PIP5K1B: variants seen among roughly 807,000 people sequenced by gnomAD.
The protein encoded by PIP5K1B is phosphatidylinositol-4-phosphate 5-kinase type 1 beta, also known as phosphatidylinositol 4-phosphate 5-kinase type-1 beta.
A neutral mutation model predicts 67.0 loss-of-function variants in PIP5K1B; 42 were observed. The ratio of observed to expected loss-of-function variants is 0.63; its 90% CI spans 0.49 to 0.81. The LOEUF is 0.81. PIP5K1B is among the 30% of genes least tolerant of loss of function. PIP5K1B has a pLI of 0.00. For missense variants in PIP5K1B, 459 were observed against 646.3 expected (o/e 0.71, Z 3.14); for synonymous variants, 214 against 231.4 (o/e 0.92, Z 0.68).
intron 1 of PIP5K1B, among the ~76,000 whole-genome samples, chr9:68,728,288 G>T (rs1374159503): frequency 1.3e-5 from 2 of 152,152 alleles, no homozygotes; most frequent in African/African-American, 4.8e-5. Flanking sequence ...AGTGTCTGGT[G>T]AGGGCTCACT....
chr9:68,939,658 C>G (rs1202532034), intron 13 of PIP5K1B, among the ~76,000 whole-genome samples: 1 of 152,228 alleles, frequency 6.6e-6, no homozygotes, highest in Non-Finnish European at 1.5e-5. Context: ...AGTGTGTCGT[C>G]TGATTTCCCA....
intron 1 of PIP5K1B, among the ~76,000 whole-genome samples, chr9:68,731,867 T>G (rs1160721530): frequency 1.3e-5 from 2 of 152,342 alleles, no homozygotes; most frequent in Non-Finnish European, 2.9e-5. Context: ...AATTATACTG[T>G]TTACTTTTGA....
intron 8 of PIP5K1B, among the ~76,000 whole-genome samples, chr9:68,908,258 A>G (rs562783873): frequency 3.3e-5 from 5 of 152,318 alleles, no homozygotes; most frequent in African/African-American, 1.2e-4. Context: ...AAAATAATTT[A>G]TGAAGACATC....
chr9:68,818,155 C>T (rs1462056229), intron 2 of PIP5K1B, among the ~76,000 whole-genome samples: 1 of 152,180 alleles, frequency 6.6e-6, no homozygotes, highest in African/African-American at 2.4e-5. Flanking sequence ...TTATCTTTTG[C>T]GCATTGTGCA....
Position 69,001,046 on chromosome 9 carries a change from A to G in PIP5K1B, c.1621-7401A>G, listed in dbSNP as rs140320672. ...CTGAGTAGCTGGGAATTATAGGCGC[A>G]CGCCACCACACCCGGCTAATTTTTA... is the stretch of plus-strand genomic sequence containing the variant. On this transcript the variant is annotated intron_variant, in intron 15 of 15. Coordinates refer to ENST00000265382, the MANE Select transcript of PIP5K1B (RefSeq NM_003558.4). Among the ~76,000 whole-genome samples, 976 of 151,912 alleles carry G rather than the reference A, an allele frequency of 6.4e-3. 12 individuals are homozygous for G. Among genetic ancestry groups the G allele is most frequent in the African/African-American group, 0.022 (932 of 41,440 alleles).
At chr9:68,919,236 C>T (rs1469075241) in intron 9 of PIP5K1B, among the ~76,000 whole-genome samples, 1 of 151,974 alleles carries the variant, frequency 6.6e-6, no homozygotes, top group African/African-American at 2.4e-5. Context: ...TTAGCAGCTA[C>T]GATATTATTC....
intron 12 of PIP5K1B, among the ~76,000 whole-genome samples, chr9:68,928,616 TA>T (rs1259414749): frequency 6.6e-6 from 1 of 152,258 alleles, no homozygotes; most frequent in African/African-American, 2.4e-5. Context: ...ACTATTGTCC[TA>T]ATACCACTTA....
chr9:68,880,547 T>G lies in PIP5K1B; in HGVS notation c.318+3753T>G, dbSNP rs539268227. Among the ~76,000 whole-genome samples the G allele has an allele frequency of 1.0e-4, 15 of 147,322 alleles. No individual in the cohort carries two copies. The East Asian group carries it at 2.7e-3, about 26-fold the overall frequency. On this transcript the variant is annotated intron_variant, in intron 6 of 15. Coordinates refer to ENST00000265382, the MANE Select transcript of PIP5K1B (RefSeq NM_003558.4). Reference sequence around the variant, plus strand: ...TCCAGCCTGGGCGGCAGAGCAAGACTGCATCTGAAACACACACACACACAC... The same window carrying G: ...TCCAGCCTGGGCGGCAGAGCAAGACGGCATCTGAAACACACACACACACAC...
At chr9:68,920,765 G>T (rs879694891) in intron 11 of PIP5K1B, among the ~76,000 whole-genome samples, 1 of 145,370 alleles carries the variant, frequency 6.9e-6, no homozygotes, top group South Asian at 2.1e-4. Context: ...TTCCGTCTCT[G>T]TCTCTCTGTC....
chr9:68,995,454 A>G (rs888196979), intron 15 of PIP5K1B, among the ~76,000 whole-genome samples: 5 of 152,188 alleles, frequency 3.3e-5, no homozygotes, highest in Non-Finnish European at 5.9e-5. Context: ...CTTCTAGATC[A>G]GAAAGGGTAC....
At chr9:69,006,282 C>A (rs574588636) in intron 15 of PIP5K1B, among the ~76,000 whole-genome samples, 1 of 152,142 alleles carries the variant, frequency 6.6e-6, no homozygotes. Flanking sequence ...ACCACTGAGT[C>A]TCAGCAGATG....
At chr9:68,963,173 T>A (rs1828836453) in intron 14 of PIP5K1B, 1 of 456,228 alleles carries the variant, frequency 2.2e-6, no homozygotes, top group South Asian at 1.5e-5. Flanking sequence ...TGTGCAAAAA[T>A]TATTAACAGG....
Position 68,788,473 on chromosome 9 carries a change from G to GTTTTTGTTGTTT in PIP5K1B, c.-85-29980_-85-29979insGTTTTTTTTGTT, listed in dbSNP as rs912015647. On this transcript the variant is annotated intron_variant, in intron 2 of 15. Transcript: ENST00000265382. The stretch of plus-strand genomic sequence containing the variant: ...CATATTAGAGGAAGATATCAGGAAG[G>GTTTTTGTTGTTT]TTTTTGTTTTGTTTTGTTTTGTTTT... The GTTTTTGTTGTTT allele has an allele frequency of 5.4e-5, 5 of 93,118 alleles. No homozygotes were observed. The South Asian group carries it at 5.8e-4, about 11-fold the overall frequency. The allele number at this position is 93,118 out of a possible 1,614,324, so 5.8% of individuals were successfully genotyped here.
chr9:68,754,171 A>ATTTTTTTTTTTTTTTTT (rs750644171), intron 2 of PIP5K1B, among the ~76,000 whole-genome samples: 14 of 55,586 alleles, frequency 2.5e-4, no homozygotes, highest in East Asian at 7.4e-4. Flanking sequence ...ATGTTCCATG[A>ATTTTTTTTTTTTTTTTT]TTTCTTTTTT....
chr9:68,735,600 A>G (rs1587362382), intron 1 of PIP5K1B, among the ~76,000 whole-genome samples: 1 of 152,056 alleles, frequency 6.6e-6, no homozygotes, highest in Non-Finnish European at 1.5e-5. Context: ...ATGTTGGCCG[A>G]GCTGGTCTCG....
intron 14 of PIP5K1B, chr9:68,965,733 A>G (rs1457691686): frequency 6.6e-6 from 1 of 152,184 alleles, no homozygotes; most frequent in Non-Finnish European, 1.5e-5. Context: ...TGGGAGGCCA[A>G]GGCAGGTGGA....
intron 1 of PIP5K1B, among the ~76,000 whole-genome samples, chr9:68,721,439 T>C (rs900532375): frequency 6.6e-6 from 1 of 152,162 alleles, no homozygotes; most frequent in Non-Finnish European, 1.5e-5. Flanking sequence ...GATGATTCTC[T>C]GGCTTTTGGC....
At chr9:68,808,128 G>A (rs1159052912) in intron 2 of PIP5K1B, among the ~76,000 whole-genome samples, 1 of 152,220 alleles carries the variant, frequency 6.6e-6, no homozygotes. Flanking sequence ...AGCCTGGGAG[G>A]CAGAGGTTGC....
At chr9:68,830,153 T>C (rs1279046225) in intron 4 of PIP5K1B, among the ~76,000 whole-genome samples, 1 of 151,418 alleles carries the variant, frequency 6.6e-6, no homozygotes, top group Non-Finnish European at 1.5e-5. Flanking sequence ...AGTAAACTGC[T>C]GTTGTGTTTT....
Sources: allele counts gnomAD v4.1 joint callset (sites outside exome capture counted in the v4.1 genomes callset), GRCh38; gene constraint gnomAD v4.1.1; transcripts MANE v1.5; gene names NCBI Gene and HGNC (gene_info 2026-07-23, HGNC 2026-07-21).